Variants in MAST4 observed in about 807,000 individuals in gnomAD.
MAST4 encodes microtubule associated serine/threonine kinase family member 4, also known as microtubule-associated serine/threonine-protein kinase 4.
In MAST4, 89 loss-of-function variants were observed where a neutral mutation model predicts 162.7. That is an observed-to-expected ratio of 0.55 (90% CI 0.46 to 0.65). The LOEUF (loss-of-function observed/expected upper bound fraction) is 0.65. Among genes scored for constraint, MAST4 ranks in the 30% least tolerant of loss-of-function variants. The probability of loss-of-function intolerance (pLI) is 0.00; values close to 1 mark genes in which losing one functional copy is unlikely to be tolerated. For synonymous variants in MAST4, 1,479 were observed against 1,361.1 expected, an observed-to-expected ratio of 1.09 and a Z score of -1.91; for missense variants, 3,153 against 3,374.0, an observed-to-expected ratio of 0.93 and a Z score of 1.62.
chr5:66,983,238 C>A (rs763858948), intron 4 of MAST4, among the ~76,000 whole-genome samples: 2 of 152,152 alleles, frequency 1.3e-5, no homozygotes, highest in Non-Finnish European at 2.9e-5. Context: ...TGGGTGAGAT[C>A]CCTGGTCAAA....
At chr5:66,611,984 G>T (rs1743318340) in intron 1 of MAST4, among the ~76,000 whole-genome samples, 1 of 152,182 alleles carries the variant, frequency 6.6e-6, no homozygotes, top group Admixed American at 6.5e-5. Context: ...TAAACTGTTA[G>T]ATCTTGGGCA....
chr5:67,147,536 G>A (rs1561166833), intron 23 of MAST4, among the ~76,000 whole-genome samples: 1 of 152,196 alleles, frequency 6.6e-6, no homozygotes, highest in Non-Finnish European at 1.5e-5. Flanking sequence ...TGACTACATT[G>A]TGTTTGAAGC....
chr5:66,944,937 A>G (rs1333133017), intron 4 of MAST4, among the ~76,000 whole-genome samples: 2 of 152,126 alleles, frequency 1.3e-5, no homozygotes, highest in African/African-American at 4.8e-5. Flanking sequence ...TTAGTCAAAG[A>G]TGATTGACTG....
chr5:67,061,920 C>A (rs1421789996), intron 5 of MAST4, among the ~76,000 whole-genome samples: 1 of 152,002 alleles, frequency 6.6e-6, no homozygotes, highest in Non-Finnish European at 1.5e-5. Context: ...ACAGTTTTTT[C>A]CACCTCCCCA....
At chr5:66,769,540 T>C (rs1007445653) in intron 2 of MAST4, among the ~76,000 whole-genome samples, 2 of 152,244 alleles carry the variant, frequency 1.3e-5, no homozygotes, top group Admixed American at 6.5e-5. Context: ...TTTAGCCTAC[T>C]GTAACCTGTT....
chr5:67,029,670 CAA>C (rs766305071), intron 4 of MAST4, among the ~76,000 whole-genome samples: 1 of 151,922 alleles, frequency 6.6e-6, no homozygotes, highest in Non-Finnish European at 1.5e-5. Context: ...TTGATAAGAA[CAA>C]AAAGTGTTTG....
chr5:67,131,990 A>G, intron 16 of MAST4, 39 bp downstream of exon 16: 1 of 1,589,154 alleles, frequency 6.3e-7, no homozygotes, highest in Non-Finnish European at 8.6e-7. Context: ...CTTTTGCCCA[A>G]TACAAAGTTC....
chr5:66,903,007 C>T (rs1015922179), intron 4 of MAST4, among the ~76,000 whole-genome samples: 2 of 152,144 alleles, frequency 1.3e-5, no homozygotes, highest in African/African-American at 4.8e-5. Flanking sequence ...GTATACTTAT[C>T]AGCAGGTATA....
At chr5:67,018,723 T>A (rs1008266466) in intron 4 of MAST4, among the ~76,000 whole-genome samples, 3 of 152,114 alleles carry the variant, frequency 2.0e-5, no homozygotes, top group African/African-American at 7.2e-5. Context: ...CCAGAAGGAA[T>A]CTTAAGAGTT....
intron 13 of MAST4, 100 bp downstream of exon 13, chr5:67,118,849 C>A: frequency 2.8e-6 from 2 of 705,006 alleles, no homozygotes; most frequent in African/African-American, 1.8e-5. Context: ...GTTTATTGTG[C>A]TTCTATGTGA....
At chr5:67,148,720 A>G (rs1771403479) in intron 23 of MAST4, among the ~76,000 whole-genome samples, 1 of 152,168 alleles carries the variant, frequency 6.6e-6, no homozygotes, top group South Asian at 2.1e-4. Flanking sequence ...TGAGTAATGG[A>G]GGGAGTAATA....
At chr5:66,633,034 A>G (rs900501444) in intron 1 of MAST4, among the ~76,000 whole-genome samples, 1 of 152,288 alleles carries the variant, frequency 6.6e-6, no homozygotes, top group Non-Finnish European at 1.5e-5. Context: ...AATTTAAATG[A>G]CTACTTACCA....
At chr5:66,883,490 G>A (rs998735513) in intron 3 of MAST4, among the ~76,000 whole-genome samples, 14 of 143,620 alleles carry the variant, frequency 9.7e-5, no homozygotes, top group South Asian at 4.4e-4. Context: ...GTGCAGTGGC[G>A]TGATCTCGGC....
intron 4 of MAST4, among the ~76,000 whole-genome samples, chr5:67,006,905 A>G (rs921355195): frequency 1.3e-5 from 2 of 152,162 alleles, no homozygotes; most frequent in Non-Finnish European, 2.9e-5. Context: ...TCAATTTGGC[A>G]AAATAGAGAG....
At position 67,165,097 on chromosome 5, in the gene MAST4, C is replaced by A; in HGVS notation, c.5918C>A (p.Ser1973Ter). 1 of 1,592,276 alleles carries A rather than the reference C, an allele frequency of 6.3e-7. No individual in the cohort carries two copies. Among genetic ancestry groups the A allele is most frequent in the Non-Finnish European group, 8.6e-7 (1 of 1,169,280 alleles). The change falls in exon 29 of 29, where the codon TCG becomes TAG. Residue 1973 changes from serine (S) to a stop codon, truncating the protein, a stop_gained. Transcript: ENST00000403625. LOFTEE classifies it low-confidence loss of function (END_TRUNC). ...AGGGAGAAGCCAGGCCTGAGGGAAT[C>A]GTCTGAAAGAGGCCCTCCCACAGCC... Reference protein sequence around the residue: ...PSREKPGLRESSERGPPTARS... With the variant: ...PSREKPGLRE
intron 1 of MAST4, among the ~76,000 whole-genome samples, chr5:66,687,574 G>A (rs1748755100): frequency 6.7e-6 from 1 of 150,320 alleles, no homozygotes; most frequent in Admixed American, 6.6e-5. Context: ...ATATACACAT[G>A]TATATGTGTA....
intron 4 of MAST4, among the ~76,000 whole-genome samples, chr5:66,971,776 TATATC>T (rs1023301698): frequency 2.7e-4 from 41 of 152,290 alleles, no homozygotes; most frequent in African/African-American, 9.1e-4. Flanking sequence ...TGGGGAAAGT[TATATC>T]CTATGTTCCA....
chr5:66,623,919 T>G (rs774541662), intron 1 of MAST4, among the ~76,000 whole-genome samples: 4 of 152,100 alleles, frequency 2.6e-5, no homozygotes, highest in Non-Finnish European at 4.4e-5. Context: ...TAAAGTAAGA[T>G]ACAAAAATCA....
chr5:66,785,676 C>T (rs1755080633), intron 2 of MAST4, among the ~76,000 whole-genome samples: 1 of 152,176 alleles, frequency 6.6e-6, no homozygotes, highest in South Asian at 2.1e-4. Flanking sequence ...TGGTTTTCTT[C>T]CTTTTGAGAC....
Sources: allele counts gnomAD v4.1 joint callset (sites outside exome capture counted in the v4.1 genomes callset), GRCh38; gene constraint gnomAD v4.1.1; transcripts MANE v1.5; gene names NCBI Gene and HGNC (gene_info 2026-07-23, HGNC 2026-07-21).